ATG10: variants seen among roughly 807,000 people sequenced by gnomAD.
ATG10 encodes ubiquitin-like-conjugating enzyme ATG10.
ATG10 carries 30 observed loss-of-function variants against 32.1 expected under a neutral mutation model. That is an observed-to-expected ratio of 0.94 (90% CI 0.70 to 1.27). The LOEUF is 1.27. Ranked by LOEUF, ATG10 falls within the 50% of genes most tolerant of loss-of-function variation. The probability of loss-of-function intolerance (pLI) is 0.00; values close to 1 mark genes in which losing one functional copy is unlikely to be tolerated. For missense variants in ATG10, 233 were observed against 262.3 expected, an observed-to-expected ratio of 0.89 and a Z score of 0.77; for synonymous variants, 87 against 91.5, an observed-to-expected ratio of 0.95 and a Z score of 0.28.
At chr5:82,165,432 T>G (rs1169974336) in intron 4 of ATG10, among the ~76,000 whole-genome samples, 1 of 152,242 alleles carries the variant, frequency 6.6e-6, no homozygotes. Flanking sequence ...GTTTGGTAGA[T>G]TTAATCACTT....
At chr5:82,004,729 T>C (rs535376640) in intron 2 of ATG10, among the ~76,000 whole-genome samples, 1 of 152,320 alleles carries the variant, frequency 6.6e-6, no homozygotes, top group South Asian at 2.1e-4. Context: ...GCTGGTTCAG[T>C]GAGATGAGTC....
At chr5:82,020,118 A>G (rs186418437) in intron 2 of ATG10, among the ~76,000 whole-genome samples, 1 of 152,360 alleles carries the variant, frequency 6.6e-6, no homozygotes, top group African/African-American at 2.4e-5. Flanking sequence ...AAGCAACAGC[A>G]AACAAGAAGA....
chr5:81,995,563 T>A (rs1303703604), intron 2 of ATG10, among the ~76,000 whole-genome samples: 2 of 152,196 alleles, frequency 1.3e-5, no homozygotes, highest in Non-Finnish European at 2.9e-5. Flanking sequence ...CACTTTGTAT[T>A]CCCTTTGAGC....
chr5:82,234,180 A>G (rs1260805936), intron 5 of ATG10, among the ~76,000 whole-genome samples: 1 of 152,164 alleles, frequency 6.6e-6, no homozygotes, highest in African/African-American at 2.4e-5. Context: ...CGGGAGGGGA[A>G]CACCTTCACA....
intron 4 of ATG10, among the ~76,000 whole-genome samples, chr5:82,173,194 A>G (rs924745711): frequency 1.3e-5 from 2 of 152,198 alleles, no homozygotes; most frequent in African/African-American, 4.8e-5. Context: ...CACAATAAGG[A>G]TAAAGGTGAC....
chr5:82,172,121 G>A (rs919740652), intron 4 of ATG10, among the ~76,000 whole-genome samples: 1 of 152,156 alleles, frequency 6.6e-6, no homozygotes, highest in African/African-American at 2.4e-5. Context: ...CCAGGCTTGG[G>A]AAGAAAATCA....
At chr5:82,003,317 A>T (rs1249341175) in intron 2 of ATG10, among the ~76,000 whole-genome samples, 1 of 152,216 alleles carries the variant, frequency 6.6e-6, no homozygotes, top group African/African-American at 2.4e-5. Context: ...CCAGATTGTG[A>T]TCTATAAATA....
intron 4 of ATG10, 148 bp downstream of exon 4, chr5:82,164,685 C>A: frequency 1.4e-6 from 1 of 717,796 alleles, no homozygotes; most frequent in Non-Finnish European, 2.2e-6. Context: ...ACTAAATTTT[C>A]TCATGCTTCA....
intron 3 of ATG10, among the ~76,000 whole-genome samples, chr5:82,153,172 C>T (rs766659930): frequency 1.1e-4 from 17 of 152,232 alleles, no homozygotes; most frequent in Non-Finnish European, 1.6e-4. Flanking sequence ...TTTTCTCCCA[C>T]GCTCTCTGTA....
intron 3 of ATG10, among the ~76,000 whole-genome samples, chr5:82,102,820 A>T (rs1765324567): frequency 6.6e-6 from 1 of 152,028 alleles, no homozygotes. Flanking sequence ...CCACTGTTGG[A>T]TCCTAGCTGG....
At chr5:82,152,001 T>A (rs974538091) in intron 3 of ATG10, among the ~76,000 whole-genome samples, 15 of 152,236 alleles carry the variant, frequency 9.9e-5, no homozygotes, top group Non-Finnish European at 1.5e-4. Flanking sequence ...TGAACCCAGA[T>A]GTTTGAAATG....
intron 3 of ATG10, among the ~76,000 whole-genome samples, chr5:82,152,133 G>A (rs1297483685): frequency 1.3e-5 from 2 of 152,166 alleles, no homozygotes; most frequent in Non-Finnish European, 2.9e-5. Context: ...AATAAAATAA[G>A]TTTAGTTTTC....
intron 6 of ATG10, 146 bp from the exon 7 acceptor site, chr5:82,253,168 A>C (rs1747330644): frequency 1.6e-6 from 1 of 627,548 alleles, no homozygotes; most frequent in Non-Finnish European, 2.8e-6. Context: ...GCTGGCATTC[A>C]GAAATGCTGA....
chr5:82,216,254 C>CA (rs1745675867), intron 5 of ATG10, among the ~76,000 whole-genome samples: 1 of 152,202 alleles, frequency 6.6e-6, no homozygotes, highest in African/African-American at 2.4e-5. Flanking sequence ...GGAAGGGCAA[C>CA]AAAAAGAGAT....
intron 3 of ATG10, among the ~76,000 whole-genome samples, chr5:82,135,821 T>G (rs1766713273): frequency 6.6e-6 from 1 of 152,184 alleles, no homozygotes; most frequent in African/African-American, 2.4e-5. Context: ...CAGTGGGGTG[T>G]TAAAGTCTCC....
At chr5:82,158,756 A>G (rs1767909555) in intron 3 of ATG10, among the ~76,000 whole-genome samples, 2 of 152,138 alleles carry the variant, frequency 1.3e-5, no homozygotes, top group Admixed American at 1.3e-4. Context: ...ACTAACTCAA[A>G]GTGTTACGAT....
At chr5:82,225,034 C>A (rs1746066907) in intron 5 of ATG10, among the ~76,000 whole-genome samples, 1 of 152,158 alleles carries the variant, frequency 6.6e-6, no homozygotes, top group Non-Finnish European at 1.5e-5. Context: ...CAATTAAATT[C>A]ATGGAAGCTG....
chr5:82,197,799 A>C (rs1037901762), intron 5 of ATG10, among the ~76,000 whole-genome samples: 1 of 151,936 alleles, frequency 6.6e-6, no homozygotes, highest in African/African-American at 2.4e-5. Context: ...GATTTGTTCA[A>C]CCAAACTAAG....
rs75377145 is a variant in ATG10 at position 82,158,764 on chromosome 5, G to A, written c.217-5635G>A. On this transcript the variant is annotated intron_variant, in intron 3 of 7. Transcript: ENST00000282185. ...AATATTAACTAACTCAAAGTGTTAC[G>A]ATTATGATGTTCAGAACATCAGTCC... is the stretch of plus-strand genomic sequence containing the variant. Among the ~76,000 whole-genome samples, 29 of 152,124 alleles carry A rather than the reference G, an allele frequency of 1.9e-4. No homozygotes were observed. In the East Asian group the frequency reaches 3.5e-3, roughly 18 times the overall value.
Sources: gnomAD v4.1 joint callset for allele counts (sites outside exome capture counted in the v4.1 genomes callset) on GRCh38, gnomAD v4.1.1 for gene constraint, MANE v1.5 for transcripts, NCBI Gene and HGNC (gene_info 2026-07-23, HGNC 2026-07-21) for gene names.